The following CAPZA1 variants were observed in gnomAD, a reference collection of about 807,000 sequenced individuals.
The protein encoded by CAPZA1 is capping actin protein of muscle Z-line subunit alpha 1.
In CAPZA1, 10 loss-of-function variants were observed where a neutral mutation model predicts 40.8. That is an observed-to-expected ratio of 0.25 (90% CI 0.15 to 0.42). The LOEUF is 0.42. CAPZA1 is among the 10% of genes least tolerant of loss of function. The pLI, the probability that CAPZA1 is intolerant of heterozygous loss-of-function variation, is 1.00. For synonymous variants in CAPZA1, 98 were observed against 115.0 expected, an observed-to-expected ratio of 0.85 and a Z score of 0.95; for missense variants, 277 against 353.8, an observed-to-expected ratio of 0.78 and a Z score of 1.74.
chr1:112,669,922 A>G, intron 9 of CAPZA1, 70 bp from the exon 10 acceptor site: 1 of 1,545,604 alleles, frequency 6.5e-7, no homozygotes, highest in Non-Finnish European at 8.9e-7. Context: ...CATTGACTAT[A>G]GCATTACTTT....
At chr1:112,628,274 C>A (rs1053103687) in intron 1 of CAPZA1, among the ~76,000 whole-genome samples, 2 of 152,182 alleles carry the variant, frequency 1.3e-5, no homozygotes, top group Non-Finnish European at 2.9e-5. Flanking sequence ...TATTGGAATA[C>A]TTGAGAACCA....
intron 3 of CAPZA1, chr1:112,649,672 G>T (rs2101166467): frequency 5.4e-6 from 3 of 557,716 alleles, no homozygotes; most frequent in South Asian, 5.0e-5. Flanking sequence ...TATAATATAT[G>T]AACTAGTTTT....
At chr1:112,661,207 T>G (rs932134729) in intron 7 of CAPZA1, among the ~76,000 whole-genome samples, 6 of 152,222 alleles carry the variant, frequency 3.9e-5, no homozygotes, top group African/African-American at 1.4e-4. Flanking sequence ...TACCTATAGC[T>G]TCCTGCAACA....
chr1:112,638,404 T>C (rs1362165807), intron 1 of CAPZA1, among the ~76,000 whole-genome samples: 1 of 152,092 alleles, frequency 6.6e-6, no homozygotes, highest in East Asian at 1.9e-4. Context: ...AACCTCCGTC[T>C]CCTGGGTTCA....
intron 1 of CAPZA1, among the ~76,000 whole-genome samples, chr1:112,635,666 C>G (rs897633510): frequency 1.3e-5 from 2 of 151,788 alleles, no homozygotes; most frequent in African/African-American, 4.8e-5. Flanking sequence ...GAACTCCTGA[C>G]CTGCCTCGGC....
chr1:112,644,839 T>A (rs903990739), intron 1 of CAPZA1, among the ~76,000 whole-genome samples: 1 of 152,208 alleles, frequency 6.6e-6, no homozygotes, highest in Non-Finnish European at 1.5e-5. Flanking sequence ...ATCTATATAT[T>A]GGTATTGCCA....
chr1:112,646,492 G>T (rs113070241), intron 1 of CAPZA1, among the ~76,000 whole-genome samples: 1 of 152,136 alleles, frequency 6.6e-6, no homozygotes, highest in East Asian at 1.9e-4. Context: ...CAGGAAGAGC[G>T]CTTGAGCCCA....
At chr1:112,669,657 T>C (rs1405501248) in intron 9 of CAPZA1, 52 bp downstream of exon 9, 1 of 1,300,310 alleles carries the variant, frequency 7.7e-7, no homozygotes, top group Non-Finnish European at 1.1e-6. Context: ...ATTATTTCGC[T>C]GTTAGCATAT....
At chr1:112,632,053 C>G (rs1453281044) in intron 1 of CAPZA1, among the ~76,000 whole-genome samples, 3 of 152,126 alleles carry the variant, frequency 2.0e-5, no homozygotes, top group African/African-American at 7.2e-5. Context: ...GCCCGTAATC[C>G]CAGCACTTTG....
intron 1 of CAPZA1, among the ~76,000 whole-genome samples, chr1:112,626,924 TAGCAAAGGAAGGTG>T (rs1670819301): frequency 6.6e-6 from 1 of 152,386 alleles, no homozygotes; most frequent in East Asian, 1.9e-4. Flanking sequence ...TGGCAGACTG[TAGCAAAGGAAGGTG>T]GTAAGAGAAC....
intron 7 of CAPZA1, among the ~76,000 whole-genome samples, chr1:112,665,592 C>G (rs532627940): frequency 3.2e-4 from 49 of 152,244 alleles, no homozygotes; most frequent in African/African-American, 1.1e-3. Flanking sequence ...GATCAAGGTG[C>G]TGTTAGATTC....
chr1:112,649,449 C>T lies in CAPZA1; in HGVS notation c.135C>T (p.Leu45=), dbSNP rs1390168797. 11 of 1,612,760 alleles carry T rather than the reference C, an allele frequency of 6.8e-6. No homozygotes were observed. The highest frequency in any genetic ancestry group is 1.7e-4 in the Middle Eastern group (1 of 6,056). Residue 45 remains leucine, a synonymous_variant, in exon 3 of 10, where the codon CTC becomes CTT. Transcript: ENST00000263168. ...GGCTACTACTTAATAATGACAATCT[C>T]CTCAGGGAAGGGGCAGCACAGTAAG... ...DVRLLLNNDN[L]LREGAAHAFA...
At chr1:112,631,179 T>C (rs1670910158) in intron 1 of CAPZA1, among the ~76,000 whole-genome samples, 1 of 152,256 alleles carries the variant, frequency 6.6e-6, no homozygotes, top group African/African-American at 2.4e-5. Context: ...AATCCTACTC[T>C]TTGTCTTTAT....
chr1:112,655,341 G>A (rs755769028), intron 5 of CAPZA1, among the ~76,000 whole-genome samples: 6 of 152,054 alleles, frequency 3.9e-5, no homozygotes, highest in Non-Finnish European at 5.9e-5. Context: ...GCTGGATGTG[G>A]TGGTGCACAC....
chr1:112,658,478 C>T (rs1671540178), intron 5 of CAPZA1, among the ~76,000 whole-genome samples: 1 of 152,208 alleles, frequency 6.6e-6, no homozygotes, highest in South Asian at 2.1e-4. Flanking sequence ...AACCAAGCTT[C>T]AGCTTTTCTT....
At chr1:112,647,175 TA>T in intron 1 of CAPZA1, 34 bp from the exon 2 acceptor site, 1 of 1,095,286 alleles carries the variant, frequency 9.1e-7, no homozygotes. Flanking sequence ...TTACTCTTCA[TA>T]ATTCTCCTAA....
At chr1:112,619,934 G>A (rs931749815) in intron 1 of CAPZA1, 51 bp downstream of exon 1, 9 of 1,482,244 alleles carry the variant, frequency 6.1e-6, no homozygotes, top group Non-Finnish European at 8.4e-6. Context: ...GGGAACTGGG[G>A]CCCGGCCCGG....
intron 1 of CAPZA1, among the ~76,000 whole-genome samples, chr1:112,625,254 A>G (rs1236208522): frequency 6.6e-6 from 1 of 152,138 alleles, no homozygotes; most frequent in African/African-American, 2.4e-5. Context: ...CATCTTCCTA[A>G]TAGATCCCAT....
At chr1:112,642,515 G>A (rs1026240111) in intron 1 of CAPZA1, among the ~76,000 whole-genome samples, 4 of 151,980 alleles carry the variant, frequency 2.6e-5, no homozygotes, top group East Asian at 3.9e-4. Context: ...GCGCCTGGCC[G>A]ACCACCCTCT....
Sources: allele counts gnomAD v4.1 joint callset (sites outside exome capture counted in the v4.1 genomes callset), GRCh38; gene constraint gnomAD v4.1.1; transcripts MANE v1.5; gene names NCBI Gene and HGNC (gene_info 2026-07-23, HGNC 2026-07-21).